RERE: variants seen among roughly 807,000 people sequenced by gnomAD.
RERE encodes arginine-glutamic acid dipeptide repeats, also known as arginine-glutamic acid dipeptide repeats protein.
In RERE, 40 loss-of-function variants were observed where a neutral mutation model predicts 146.1. That is an observed-to-expected ratio of 0.27 (90% CI 0.21 to 0.36). The LOEUF is 0.36. Among genes scored for constraint, RERE ranks in the 10% least tolerant of loss-of-function variants. RERE has a pLI of 1.00. For synonymous variants in RERE, 1,003 were observed against 866.0 expected (o/e 1.16, Z -2.78); for missense variants, 1,933 against 2,138.7 (o/e 0.90, Z 1.90).
intron 7 of RERE, among the ~76,000 whole-genome samples, chr1:8,536,872 G>T (rs966927957): frequency 1.3e-5 from 2 of 152,036 alleles, no homozygotes; most frequent in Non-Finnish European, 2.9e-5. Flanking sequence ...TATTCTACTT[G>T]GGCAAAAAAT....
chr1:8,355,359 G>C, intron 22 of RERE, 60 bp downstream of exon 22: 1 of 1,565,980 alleles, frequency 6.4e-7, no homozygotes, highest in Non-Finnish European at 8.7e-7. Context: ...TGGGCACACG[G>C]GGAGGTTGGG....
intron 12 of RERE, among the ~76,000 whole-genome samples, chr1:8,411,947 C>A (rs1343356641): frequency 1.3e-5 from 2 of 152,134 alleles, no homozygotes; most frequent in African/African-American, 4.8e-5. Flanking sequence ...AATGAAAACA[C>A]CTCCCTCGAC....
At chr1:8,741,671 G>C (rs1640313217) in intron 1 of RERE, among the ~76,000 whole-genome samples, 1 of 152,106 alleles carries the variant, frequency 6.6e-6, no homozygotes, top group South Asian at 2.1e-4. Flanking sequence ...TAAGTTTCCT[G>C]GGGCCTCCCC....
chr1:8,574,593 T>A (rs1041423151), intron 4 of RERE, among the ~76,000 whole-genome samples: 5 of 152,150 alleles, frequency 3.3e-5, no homozygotes, highest in Non-Finnish European at 5.9e-5. Context: ...ATGATCCACC[T>A]GCAATATTAT....
At chr1:8,683,217 C>G (rs184012341) in intron 1 of RERE, among the ~76,000 whole-genome samples, 3 of 152,150 alleles carry the variant, frequency 2.0e-5, no homozygotes, top group Admixed American at 6.5e-5. Flanking sequence ...CAGCCTCACG[C>G]CAAGCCATCC....
At chr1:8,415,477 A>G (rs1172514025) in intron 12 of RERE, among the ~76,000 whole-genome samples, 2 of 152,214 alleles carry the variant, frequency 1.3e-5, no homozygotes, top group African/African-American at 2.4e-5. Flanking sequence ...TGCAGTTTCT[A>G]TAAGTAATAC....
intron 12 of RERE, among the ~76,000 whole-genome samples, chr1:8,407,998 AT>A (rs1643499572): frequency 6.6e-6 from 1 of 152,206 alleles, no homozygotes; most frequent in South Asian, 2.1e-4. Flanking sequence ...TGGGAAACCA[AT>A]ACAGCTTACC....
chr1:8,711,322 A>C (rs547700315), intron 1 of RERE, among the ~76,000 whole-genome samples: 5 of 152,192 alleles, frequency 3.3e-5, no homozygotes, highest in Non-Finnish European at 7.3e-5. Context: ...GCAAACTGTT[A>C]TGACATTAGT....
Position 8,354,846 on chromosome 1 carries a change from T to G in RERE, c.*241A>C. On this transcript the variant is annotated 3_prime_UTR_variant, in exon 23 of 23. Coordinates refer to ENST00000400908, the MANE Select transcript of RERE (RefSeq NM_001042681.2). Reference sequence around the variant, plus strand: ...GAAGCTTTCTGGATGTTCAGTCCAGTCCAGGACTCACTAAGTTTCTGGGGG... The same window carrying G: ...GAAGCTTTCTGGATGTTCAGTCCAGGCCAGGACTCACTAAGTTTCTGGGGG... 1.8e-6 allele frequency: 1 copy of G among 569,498 alleles called. No homozygotes were observed. The highest frequency in any genetic ancestry group is 2.3e-5 in the South Asian group (1 of 44,254). The allele number at this position is 569,498 out of a possible 1,614,324, so 35.3% of individuals were successfully genotyped here. A position where few individuals can be genotyped will look rare whatever the true frequency, so the allele number is the denominator to read the frequency against.
intron 8 of RERE, among the ~76,000 whole-genome samples, chr1:8,504,932 C>T (rs973165034): frequency 1.3e-5 from 2 of 152,166 alleles, no homozygotes; most frequent in South Asian, 2.1e-4. Flanking sequence ...GAAGCACTTA[C>T]CACCACCCAG....
intron 7 of RERE, among the ~76,000 whole-genome samples, chr1:8,522,989 C>A (rs886667224): frequency 6.6e-5 from 10 of 152,084 alleles, no homozygotes; most frequent in African/African-American, 9.7e-5. Context: ...CCAACCTGGG[C>A]AACAAGGTGA....
intron 8 of RERE, among the ~76,000 whole-genome samples, chr1:8,498,690 C>A: frequency 7.6e-6 from 1 of 131,144 alleles, no homozygotes; most frequent in African/African-American, 2.9e-5. Flanking sequence ...AGCAAGACTC[C>A]ATCTCAAAAA....
chr1:8,801,921 G>A (rs1166663400), intron 1 of RERE, among the ~76,000 whole-genome samples: 1 of 152,150 alleles, frequency 6.6e-6, no homozygotes, highest in Non-Finnish European at 1.5e-5. Flanking sequence ...GTCCGATTAT[G>A]CAGTTGTTTT....
intron 4 of RERE, among the ~76,000 whole-genome samples, chr1:8,563,981 C>T (rs1646109009): frequency 6.6e-6 from 1 of 152,186 alleles, no homozygotes; most frequent in Non-Finnish European, 1.5e-5. Context: ...AACACCGTCT[C>T]CCAGAGACAT....
At chr1:8,492,360 T>C (rs1386361140) in intron 10 of RERE, among the ~76,000 whole-genome samples, 2 of 152,188 alleles carry the variant, frequency 1.3e-5, no homozygotes, top group Non-Finnish European at 1.5e-5. Context: ...TTCAAGAAAG[T>C]GCCAAAAATA....
chr1:8,514,765 C>T (rs1049399562), intron 7 of RERE, among the ~76,000 whole-genome samples: 4 of 151,444 alleles, frequency 2.6e-5, no homozygotes, highest in Admixed American at 6.6e-5. Flanking sequence ...AAAGAAAAGA[C>T]AAGACAAGAA....
intron 4 of RERE, among the ~76,000 whole-genome samples, chr1:8,576,088 T>C (rs1352027391): frequency 6.6e-6 from 1 of 152,216 alleles, no homozygotes; most frequent in Non-Finnish European, 1.5e-5. Flanking sequence ...TTATTAATGT[T>C]AATTTTTAGG....
At chr1:8,561,538 T>C (rs1305202107) in intron 4 of RERE, among the ~76,000 whole-genome samples, 1 of 152,150 alleles carries the variant, frequency 6.6e-6, no homozygotes, top group Non-Finnish European at 1.5e-5. Context: ...TGGAACAAAA[T>C]TGTTTCTATG....
chr1:8,585,747 G>C (rs1464088036), intron 4 of RERE, among the ~76,000 whole-genome samples: 1 of 152,160 alleles, frequency 6.6e-6, no homozygotes, highest in African/African-American at 2.4e-5. Context: ...TGAAAACTGG[G>C]TAAATAAACG....
Sources: allele counts gnomAD v4.1 joint callset (sites outside exome capture counted in the v4.1 genomes callset), GRCh38; gene constraint gnomAD v4.1.1; transcripts MANE v1.5; gene names NCBI Gene and HGNC (gene_info 2026-07-23, HGNC 2026-07-21).